The following OXNAD1 variants were observed in gnomAD, a reference collection of about 807,000 sequenced individuals.
OXNAD1 encodes the protein oxidoreductase NAD binding domain containing 1.
OXNAD1 carries 34 observed loss-of-function variants against 32.9 expected under a neutral mutation model. That is an observed-to-expected ratio of 1.03 (90% CI 0.79 to 1.38). The LOEUF (loss-of-function observed/expected upper bound fraction) is 1.38, where lower values mean the gene tolerates loss of function less well. Ranked by LOEUF, OXNAD1 falls within the 40% of genes most tolerant of loss-of-function variation. The probability of loss-of-function intolerance (pLI) is 0.00; values close to 1 mark genes in which losing one functional copy is unlikely to be tolerated. For synonymous variants in OXNAD1, 134 were observed against 135.2 expected (o/e 0.99, Z 0.06); for missense variants, 407 against 379.4 (o/e 1.07, Z -0.60).
At chr3:16,272,208 G>GT in intron 4 of OXNAD1, 1 of 444,816 alleles carries the variant, frequency 2.2e-6, no homozygotes, top group Non-Finnish European at 4.5e-6. Flanking sequence ...ACGAGCTCTT[G>GT]TTACCCTTCT....
chr3:16,346,740 A>G lies in OXNAD1; in HGVS notation c.*31-2436A>G, dbSNP rs1430098072. Among the ~76,000 whole-genome samples, 2 of 152,218 alleles carry G rather than the reference A, an allele frequency of 1.3e-5. No individual in the cohort carries two copies. The highest frequency in any genetic ancestry group is 2.9e-5 in the Non-Finnish European group (2 of 68,034). ...AATAAAAAGGGACGTGTGGCAGGAA[A>G]AAACTGCCCCGTTCTTCACGGTTGT... On this transcript the variant is annotated intron_variant, in intron 9 of 9. Coordinates refer to the OXNAD1 transcript ENST00000606098. This position sits in a 1 kb window ranked among gnomAD's most constrained non-coding sequence, Gnocchi z 4.4.
chr3:16,326,702 T>G (rs2069730515), intron 9 of OXNAD1: 2 of 1,113,886 alleles, frequency 1.8e-6, no homozygotes, highest in Non-Finnish European at 2.7e-6. Context: ...AGACGTGAGG[T>G]GCTCATTAGG....
At chr3:16,275,853 ACTT>A (rs1246342139) in intron 4 of OXNAD1, 1 of 154,566 alleles carries the variant, frequency 6.5e-6, no homozygotes. Flanking sequence ...TATTTCAAGC[ACTT>A]CTTGGGTTTC....
In OXNAD1 at chr3:16,265,214, A is replaced by G. The variant is rs761616545; in HGVS notation, c.-450A>G. ...TACGTCACGTCTGGGACCGCGGAGT[A>G]TTCCAGGCGCCTGCAACTAAACGTG... On this transcript the variant is annotated 5_prime_UTR_variant, in exon 1 of 9. Transcript: ENST00000285083. This position sits in a 1 kb window ranked among gnomAD's most constrained non-coding sequence, Gnocchi z 4.8. The G allele has an allele frequency of 1.7e-4, 52 of 307,166 alleles. No individual in the cohort carries two copies. Among genetic ancestry groups the G allele is most frequent in the Non-Finnish European group, 2.8e-4 (45 of 163,064 alleles). The allele number at this position is 307,166 out of a possible 1,614,324, so 19.0% of individuals were successfully genotyped here. A position where few individuals can be genotyped will look rare whatever the true frequency, so the allele number is the denominator to read the frequency against.
intron 4 of OXNAD1, among the ~76,000 whole-genome samples, chr3:16,278,852 A>C (rs1350423957): frequency 2.6e-5 from 4 of 152,182 alleles, no homozygotes; most frequent in Non-Finnish European, 5.9e-5. Flanking sequence ...CTGATTTTCC[A>C]ATGCTTATAA....
At chr3:16,310,157 C>T (rs2125122669), downstream of OXNAD1, among the ~76,000 whole-genome samples, 1 of 152,312 alleles carries the variant, frequency 6.6e-6, no homozygotes, top group African/African-American at 2.4e-5. Context: ...TTAAGGTGTA[C>T]TTGACTGAGA....
chr3:16,306,182 A>G (rs561792969), downstream of OXNAD1: 2 of 152,256 alleles, frequency 1.3e-5, no homozygotes, highest in South Asian at 4.1e-4. Context: ...TGATATTTGT[A>G]TCTTTCTCAG....
At position 16,304,590 on chromosome 3, in the gene OXNAD1, TGTA is replaced by T. The variant is rs1307336844; in HGVS notation, c.*1031_*1033del. The stretch of plus-strand genomic sequence containing the variant: ...CTGATGAAACTGCTAGAAAGCAGAT[TGTA>T]GTTCTTTGTTTAGATTTTTAAAAAT... On this transcript the variant is annotated 3_prime_UTR_variant, in exon 9 of 9. Transcript: ENST00000285083. This position sits in a 1 kb window ranked among gnomAD's most constrained non-coding sequence, Gnocchi z 4.6. 6.6e-6 allele frequency: 1 copy of T among 152,232 alleles called. No individual in the cohort carries two copies. Among genetic ancestry groups the T allele is most frequent in the Non-Finnish European group, 1.5e-5 (1 of 68,032 alleles). 9.4% of individuals were successfully genotyped at this position (152,232 alleles called of 1,614,324 possible).
intron 9 of OXNAD1, among the ~76,000 whole-genome samples, chr3:16,318,917 T>C (rs992367841): frequency 2.3e-4 from 35 of 152,178 alleles, no homozygotes; most frequent in African/African-American, 8.2e-4. Flanking sequence ...AAGTGGTGTC[T>C]CAGACCCACC....
At chr3:16,274,359 A>G (rs529471159) in intron 4 of OXNAD1, among the ~76,000 whole-genome samples, 1 of 152,300 alleles carries the variant, frequency 6.6e-6, no homozygotes, top group South Asian at 2.1e-4. Context: ...TTCAAGTTTG[A>G]AGTACCTCAC....
Position 16,345,831 on chromosome 3 carries a change from C to T in OXNAD1, c.*31-3345C>T, listed in dbSNP as rs879727087. 0.1 allele frequency among the ~76,000 whole-genome samples: 6,568 copies of T among 63,516 alleles called. 233 individuals carry two copies. Among genetic ancestry groups the T allele is most frequent in the Middle Eastern group, 0.17 (19 of 112 alleles). The allele number at this position is 63,516 out of a possible 152,430, so 41.7% of individuals were successfully genotyped here. A position where few individuals can be genotyped will look rare whatever the true frequency, so the allele number is the denominator to read the frequency against. On this transcript the variant is annotated intron_variant, in intron 9 of 9. Transcript: ENST00000606098. The surrounding 1 kb of genome is among the most constrained non-coding windows in gnomAD (Gnocchi z 5.2). ...GTGTGTGTGTGTGCGCGCGCGCGTGCGCGCACGCGCACATGTGCATGTGTA... is the reference window on the plus strand; with the variant it reads ...GTGTGTGTGTGTGCGCGCGCGCGTGTGCGCACGCGCACATGTGCATGTGTA...
At position 16,301,675 on chromosome 3, in the gene OXNAD1, T is replaced by G. The variant is rs1445234805; in HGVS notation, c.482T>G (p.Phe161Cys). 11 of 1,613,936 alleles carry G rather than the reference T, an allele frequency of 6.8e-6. No homozygotes were observed. Among genetic ancestry groups the G allele is most frequent in the Non-Finnish European group, 9.3e-6 (11 of 1,179,938 alleles). ...VAVRVGGEFF[F>C]DPQPADASRN... ...GTGAGAGTGGGTGGAGAGTTCTTCT[T>G]TGACCCTCAGCCTGCGGATGCCTCT... Residue 161 changes from phenylalanine to cysteine, a missense_variant, in exon 7 of 9, where the codon TTT becomes TGT. Phe to Cys is a radical substitution (Grantham distance 205, BLOSUM62 -2). Coordinates refer to ENST00000285083, the MANE Select transcript of OXNAD1 (RefSeq NM_138381.5). This position sits in a 1 kb window ranked among gnomAD's most constrained non-coding sequence, Gnocchi z 4.1.
In OXNAD1 at chr3:16,329,135, A is replaced by C. The variant is rs536309617; in HGVS notation, c.*31-7977A>C. 6.6e-6 allele frequency among the ~76,000 whole-genome samples: 1 copy of C among 152,324 alleles called. No individual in the cohort carries two copies. The highest frequency in any genetic ancestry group is 2.1e-4 in the South Asian group (1 of 4,828). On this transcript the variant is annotated intron_variant, in intron 9 of 9. Coordinates refer to the OXNAD1 transcript ENST00000435829. The surrounding 1 kb of genome is among the most constrained non-coding windows in gnomAD (Gnocchi z 4.5). ...CTCAGGCAAAGGGCTTGAGGCTACAAGTTCAGTCTCCTGCTCTCTCCCCTC... is the reference window on the plus strand; with the variant it reads ...CTCAGGCAAAGGGCTTGAGGCTACACGTTCAGTCTCCTGCTCTCTCCCCTC...
chr3:16,324,618 C>T (rs568594583), intron 9 of OXNAD1, among the ~76,000 whole-genome samples: 1 of 143,998 alleles, frequency 6.9e-6, no homozygotes, highest in Admixed American at 6.9e-5. Flanking sequence ...CCCTGACCCC[C>T]CCCCTTTTAA....
Position 16,299,173 on chromosome 3 carries a change from A to G in OXNAD1, c.433-2453A>G, listed in dbSNP as rs149765786. Among the ~76,000 whole-genome samples, 1 of 152,330 alleles carries G rather than the reference A, an allele frequency of 6.6e-6. No individual in the cohort carries two copies. Among genetic ancestry groups the G allele is most frequent in the East Asian group, 1.9e-4 (1 of 5,186 alleles). ...CCAAAGATGGCCACTGGAGAAAATT[A>G]TTTCAGTCTCTTTCACTCTGATTCT... On this transcript the variant is annotated intron_variant, in intron 6 of 8. Transcript: ENST00000285083. The surrounding 1 kb of genome is among the most constrained non-coding windows in gnomAD (Gnocchi z 4.4).
chr3:16,315,521 G>A (rs977052642), intron 9 of OXNAD1: 1 of 152,112 alleles, frequency 6.6e-6, no homozygotes, highest in African/African-American at 2.4e-5. Context: ...TAAAAGCTTG[G>A]AAACAATGTT....
intron 4 of OXNAD1, among the ~76,000 whole-genome samples, chr3:16,285,095 G>T (rs2065982875): frequency 6.6e-6 from 1 of 152,154 alleles, no homozygotes; most frequent in Admixed American, 6.5e-5. Context: ...GAGCAAGAGA[G>T]GGTTGACAAA....
At chr3:16,351,915 C>T (rs1284748317), downstream of OXNAD1, among the ~76,000 whole-genome samples, 3 of 152,094 alleles carry the variant, frequency 2.0e-5, no homozygotes, top group Non-Finnish European at 2.9e-5. The surrounding 1 kb of genome is among the most constrained non-coding windows in gnomAD (Gnocchi z 5.4). Flanking sequence ...ATTCTGCAGT[C>T]AGATTCCATT....
At chr3:16,343,079 A>G (rs752661526) in intron 9 of OXNAD1, among the ~76,000 whole-genome samples, 5 of 152,182 alleles carry the variant, frequency 3.3e-5, no homozygotes, top group Non-Finnish European at 7.3e-5. Flanking sequence ...TCCTGGGCTT[A>G]AACAGTCCTC....
Sources: allele counts gnomAD v4.1 joint callset (sites outside exome capture counted in the v4.1 genomes callset), GRCh38; gene constraint gnomAD v4.1.1; non-coding constraint Gnocchi (gnomAD v3.1); transcripts MANE v1.5; gene names NCBI Gene and HGNC (gene_info 2026-07-23, HGNC 2026-07-21).